The following CACNA1C variants were observed in gnomAD, a reference collection of about 807,000 sequenced individuals.
The protein encoded by CACNA1C is calcium voltage-gated channel subunit alpha1 C, also known as voltage-dependent L-type calcium channel subunit alpha-1C.
In CACNA1C, 30 loss-of-function variants were observed where a neutral mutation model predicts 229.0. The ratio of observed to expected loss-of-function variants is 0.13; its 90% CI spans 0.10 to 0.18. CACNA1C has a LOEUF of 0.18. Among genes scored for constraint, CACNA1C ranks in the 10% least tolerant of loss-of-function variants. The probability of loss-of-function intolerance (pLI) is 1.00; values close to 1 mark genes in which losing one functional copy is unlikely to be tolerated. For missense variants in CACNA1C, 1,658 were observed against 2,845.0 expected (o/e 0.58, Z 9.49); for synonymous variants, 1,114 against 1,132.5 (o/e 0.98, Z 0.33).
intron 9 of CACNA1C, among the ~76,000 whole-genome samples, chr12:2,530,086 C>G (rs1459056786): frequency 6.6e-6 from 1 of 152,228 alleles, no homozygotes; most frequent in African/African-American, 2.4e-5. Flanking sequence ...TTAATGAGAA[C>G]TCAGCTGTAT....
At chr12:2,079,845 G>A (rs891509938) in intron 1 of CACNA1C, among the ~76,000 whole-genome samples, 1 of 152,166 alleles carries the variant, frequency 6.6e-6, no homozygotes, top group African/African-American at 2.4e-5. Flanking sequence ...GGCTGAAGAT[G>A]AGCTTACAGT....
chr12:2,213,468 C>T lies in CACNA1C; in HGVS notation c.477+93038C>T, dbSNP rs77473898. 8.7e-3 allele frequency among the ~76,000 whole-genome samples: 1,319 copies of T among 152,256 alleles called. 15 individuals are homozygous for T. Among genetic ancestry groups the T allele is most frequent in the African/African-American group, 0.03 (1,245 of 41,526 alleles). ...TGAGGAGGAGGCGGCGAGATTATTG[C>T]CTGTTACACATGGACATCTAGACGG... On this transcript the variant is annotated intron_variant, in intron 3 of 46. Transcript: ENST00000399655.
intron 18 of CACNA1C, among the ~76,000 whole-genome samples, chr12:2,587,806 G>A (rs1568605451): frequency 6.6e-6 from 1 of 152,066 alleles, no homozygotes; most frequent in African/African-American, 2.4e-5. Flanking sequence ...TTGGTTACAT[G>A]TGTCTCTTTA....
At chr12:2,574,306 G>A (rs532681506) in intron 13 of CACNA1C, among the ~76,000 whole-genome samples, 1 of 152,296 alleles carries the variant, frequency 6.6e-6, no homozygotes, top group South Asian at 2.1e-4. Context: ...TCAATATCCA[G>A]TTTTTCTACT....
At chr12:2,545,465 C>T (rs1033058178) in intron 9 of CACNA1C, among the ~76,000 whole-genome samples, 1 of 152,092 alleles carries the variant, frequency 6.6e-6, no homozygotes, top group African/African-American at 2.4e-5. Context: ...CCTTTTGAAC[C>T]ACCACTGTGC....
At chr12:2,408,494 CT>C (rs61026675) in intron 3 of CACNA1C, among the ~76,000 whole-genome samples, 465 of 137,482 alleles carry the variant, frequency 3.4e-3, no homozygotes, top group Middle Eastern at 7.4e-3. Flanking sequence ...CTAATTGGGG[CT>C]TTTTTTTTTT....
At chr12:2,473,587 A>G (rs1450772290) in intron 5 of CACNA1C, among the ~76,000 whole-genome samples, 1 of 152,218 alleles carries the variant, frequency 6.6e-6, no homozygotes, top group African/African-American at 2.4e-5. Flanking sequence ...GAAAATAACA[A>G]CTTAGAAAAT....
chr12:2,106,426 G>A lies in CACNA1C; in HGVS notation c.50-8798G>A, dbSNP rs1358537160. ...GCTGGGCGTCCTGAAGCCACTGGGC[G>A]CCCACCCTGGGGAGGGTTTCCACCT... On this transcript the variant is annotated intron_variant, in intron 1 of 46. Transcript: ENST00000399655. Among the ~76,000 whole-genome samples the A allele has an allele frequency of 1.2e-3, 98 of 83,426 alleles. 4 individuals carry two copies. Among genetic ancestry groups the A allele is most frequent in the African/African-American group, 4.1e-3 (92 of 22,200 alleles). 54.7% of individuals were successfully genotyped at this position (83,426 alleles called of 152,430 possible).
chr12:2,247,266 C>G (rs550780795), intron 3 of CACNA1C, among the ~76,000 whole-genome samples: 2 of 152,194 alleles, frequency 1.3e-5, no homozygotes, highest in Non-Finnish European at 2.9e-5. Context: ...GGAGCACCCT[C>G]GCCTTTTCCT....
At chr12:2,266,388 G>A (rs1379174148) in intron 3 of CACNA1C, among the ~76,000 whole-genome samples, 1 of 152,218 alleles carries the variant, frequency 6.6e-6, no homozygotes, top group Admixed American at 6.5e-5. Context: ...AGGGCCTTGG[G>A]CATGCTGCAA....
intron 3 of CACNA1C, among the ~76,000 whole-genome samples, chr12:2,200,554 A>G (rs1185303653): frequency 6.6e-6 from 1 of 152,132 alleles, no homozygotes; most frequent in African/African-American, 2.4e-5. Flanking sequence ...AGGTTGAGAA[A>G]CCTTGTTCTG....
In CACNA1C at chr12:2,679,604, C is replaced by A; in HGVS notation, c.5252C>A (p.Ser1751Tyr). 6.2e-7 allele frequency: 1 copy of A among 1,613,828 alleles called. No individual in the cohort carries two copies. Among genetic ancestry groups the A allele is most frequent in the Non-Finnish European group, 8.5e-7 (1 of 1,179,836 alleles). ...CCATCCCACGAGAAGCTGGTGGACT[C>A]CACCTTCACCCCGAGCAGCTACTCG... ...ESPSHEKLVD[S>Y]TFTPSSYSST... The change falls in exon 42 of 47, where the codon TCC becomes TAC. Residue 1751 changes from serine (S) to tyrosine (Y), a missense_variant. Ser to Tyr is a moderately radical substitution (Grantham distance 144). Coordinates refer to ENST00000399655, the MANE Select transcript of CACNA1C (RefSeq NM_000719.7). This position sits in a 1 kb window ranked among gnomAD's most constrained non-coding sequence, Gnocchi z 5.5.
rs534187264 is a variant in CACNA1C at position 2,058,880 on chromosome 12, C to CTG, written c.49+5273_49+5274dup. On this transcript the variant is annotated intron_variant, in intron 1 of 46. Coordinates refer to ENST00000399655, the MANE Select transcript of CACNA1C (RefSeq NM_000719.7). The stretch of plus-strand genomic sequence containing the variant: ...CTGGGCACTCCAGAAGAGCTCTTCT[C>CTG]TGTGTTTTAATTCCTAGATGGGGTG... Among the ~76,000 whole-genome samples the CTG allele has an allele frequency of 3.9e-3, 587 of 152,302 alleles. 3 individuals are homozygous for CTG. Among genetic ancestry groups the CTG allele is most frequent in the South Asian group, 0.012 (59 of 4,818 alleles).
chr12:2,396,313 C>G (rs1001271736), intron 3 of CACNA1C, among the ~76,000 whole-genome samples: 1 of 152,108 alleles, frequency 6.6e-6, no homozygotes, highest in South Asian at 2.1e-4. Flanking sequence ...ATTTTTGCAG[C>G]CTGATTGTCT....
At chr12:2,166,434 A>T (rs2096236754) in intron 3 of CACNA1C, among the ~76,000 whole-genome samples, 1 of 152,230 alleles carries the variant, frequency 6.6e-6, no homozygotes, top group South Asian at 2.1e-4. Context: ...TTCATGGTGG[A>T]TAGACACACT....
intron 3 of CACNA1C, among the ~76,000 whole-genome samples, chr12:2,209,383 G>A (rs541172580): frequency 5.3e-5 from 8 of 152,242 alleles, no homozygotes; most frequent in South Asian, 2.1e-4. Flanking sequence ...AAACTCACGG[G>A]GAGGAGTCAT....
At chr12:2,343,651 A>G (rs2096926232) in intron 3 of CACNA1C, among the ~76,000 whole-genome samples, 1 of 152,236 alleles carries the variant, frequency 6.6e-6, no homozygotes, top group African/African-American at 2.4e-5. Context: ...CTGTAATGAC[A>G]GCAGAGTCTT....
intron 3 of CACNA1C, among the ~76,000 whole-genome samples, chr12:2,398,609 G>A (rs1268109778): frequency 1.3e-5 from 2 of 152,178 alleles, no homozygotes; most frequent in Non-Finnish European, 2.9e-5. Context: ...ATCATTGACT[G>A]AGTTATGTCT....
At position 2,235,086 on chromosome 12, in the gene CACNA1C, C is replaced by T. The variant is rs868529563; in HGVS notation, c.477+114656C>T. 4.1e-4 allele frequency among the ~76,000 whole-genome samples: 62 copies of T among 152,176 alleles called. 1 individual carries two copies. Among genetic ancestry groups the T allele is most frequent in the African/African-American group, 1.3e-3 (55 of 41,452 alleles). On this transcript the variant is annotated intron_variant, in intron 3 of 46. Coordinates refer to ENST00000399655, the MANE Select transcript of CACNA1C (RefSeq NM_000719.7). Reference sequence around the variant, plus strand: ...ATTATTCCTTGCTCTTCTGCACATCCGCTCTTCCATTTCCAGTGTCTCTAT... The same window carrying T: ...ATTATTCCTTGCTCTTCTGCACATCTGCTCTTCCATTTCCAGTGTCTCTAT...
Sources: allele counts gnomAD v4.1 joint callset (sites outside exome capture counted in the v4.1 genomes callset), GRCh38; gene constraint gnomAD v4.1.1; non-coding constraint Gnocchi (gnomAD v3.1); transcripts MANE v1.5; gene names NCBI Gene and HGNC (gene_info 2026-07-23, HGNC 2026-07-21).